Variants in ERBB4 observed in about 807,000 individuals in gnomAD.
ERBB4 encodes erb-b2 receptor tyrosine kinase 4, also known as receptor tyrosine-protein kinase erbB-4.
A neutral mutation model predicts 158.0 loss-of-function variants in ERBB4; 42 were observed. The observed-to-expected ratio is 0.27, with a 90% CI of 0.21 to 0.34. ERBB4 has a LOEUF of 0.34. Among genes scored for constraint, ERBB4 ranks in the 10% least tolerant of loss-of-function variants. The pLI is 1.00. For missense variants in ERBB4, 1,333 were observed against 1,624.1 expected (o/e 0.82, Z 3.08); for synonymous variants, 583 against 558.7 (o/e 1.04, Z -0.61).
At chr2:211,843,979 T>G (rs1180899550) in intron 3 of ERBB4, among the ~76,000 whole-genome samples, 1 of 151,896 alleles carries the variant, frequency 6.6e-6, no homozygotes, top group Non-Finnish European at 1.5e-5. Context: ...GCAAGAGAGG[T>G]TGAAGTGGAT....
At chr2:211,684,055 A>G (rs936850312) in intron 12 of ERBB4, among the ~76,000 whole-genome samples, 1 of 152,054 alleles carries the variant, frequency 6.6e-6, no homozygotes, top group Non-Finnish European at 1.5e-5. Context: ...TTTATTTGCT[A>G]TTTAGTGCTA....
chr2:211,695,394 G>A (rs1208211394), intron 12 of ERBB4, among the ~76,000 whole-genome samples: 1 of 151,948 alleles, frequency 6.6e-6, no homozygotes, highest in African/African-American at 2.4e-5. Flanking sequence ...GCTTCTTTGT[G>A]CCAAAAAAAT....
intron 1 of ERBB4, among the ~76,000 whole-genome samples, chr2:212,173,370 G>C (rs1470313258): frequency 6.6e-6 from 1 of 152,100 alleles, no homozygotes; most frequent in Non-Finnish European, 1.5e-5. Flanking sequence ...TGCAGCTAGG[G>C]AAGAGTACCC....
chr2:211,601,251 A>G (rs1477733529), intron 19 of ERBB4, among the ~76,000 whole-genome samples: 1 of 152,092 alleles, frequency 6.6e-6, no homozygotes, highest in African/African-American at 2.4e-5. Flanking sequence ...CAGAAAAAGA[A>G]AAAACATACA....
At chr2:212,173,070 T>G (rs2081567235) in intron 1 of ERBB4, among the ~76,000 whole-genome samples, 1 of 152,112 alleles carries the variant, frequency 6.6e-6, no homozygotes, top group Non-Finnish European at 1.5e-5. Flanking sequence ...TGGGTTCATT[T>G]TGAAAAGTTA....
chr2:211,983,774 C>T (rs1001256604), intron 2 of ERBB4, among the ~76,000 whole-genome samples: 1 of 152,080 alleles, frequency 6.6e-6, no homozygotes, highest in East Asian at 1.9e-4. Flanking sequence ...CATTGACTTT[C>T]AAGTATTTGA....
At chr2:211,556,565 G>A (rs980594092) in intron 20 of ERBB4, among the ~76,000 whole-genome samples, 1 of 151,334 alleles carries the variant, frequency 6.6e-6, no homozygotes, top group African/African-American at 2.4e-5. Context: ...ATACTTACAG[G>A]GTACAGAATA....
chr2:211,724,048 T>C (rs967255358), intron 6 of ERBB4, among the ~76,000 whole-genome samples: 2 of 152,242 alleles, frequency 1.3e-5, no homozygotes, highest in African/African-American at 4.8e-5. Context: ...GTTTTGGAAT[T>C]GTTAATGAAA....
intron 25 of ERBB4, among the ~76,000 whole-genome samples, chr2:211,393,614 CATTAT>C: frequency 6.6e-6 from 1 of 152,126 alleles, no homozygotes; most frequent in Non-Finnish European, 1.5e-5. Flanking sequence ...ATCTGAAACT[CATTAT>C]CTTAAGTATA....
chr2:211,525,881 G>A (rs1410708025), intron 20 of ERBB4, among the ~76,000 whole-genome samples: 2 of 152,074 alleles, frequency 1.3e-5, no homozygotes, highest in African/African-American at 4.8e-5. Flanking sequence ...GGAGGGAAGA[G>A]TAGGAAGGAC....
intron 17 of ERBB4, among the ~76,000 whole-genome samples, chr2:211,628,026 C>T (rs1300624479): frequency 2.0e-5 from 3 of 152,156 alleles, no homozygotes; most frequent in Non-Finnish European, 4.4e-5. Flanking sequence ...TAGTCTTTCA[C>T]TGCTGGTATA....
intron 20 of ERBB4, among the ~76,000 whole-genome samples, chr2:211,515,370 G>A (rs2065995160): frequency 6.6e-6 from 1 of 151,998 alleles, no homozygotes; most frequent in Non-Finnish European, 1.5e-5. Flanking sequence ...ATGGTTTAAA[G>A]GTGATAAGGA....
intron 2 of ERBB4, among the ~76,000 whole-genome samples, chr2:211,972,032 A>T (rs35639708): frequency 2.6e-5 from 4 of 152,190 alleles, no homozygotes; most frequent in Admixed American, 6.5e-5. Context: ...CTCAGCCCAA[A>T]GGCTTCTTAA....
intron 4 of ERBB4, chr2:211,779,742 C>T (rs561365694): frequency 2.0e-5 from 3 of 152,194 alleles, no homozygotes; most frequent in East Asian, 3.9e-4. Context: ...ACCGCACATT[C>T]GAAGAGCCAG....
chr2:212,259,738 C>T (rs1035737363), intron 1 of ERBB4, among the ~76,000 whole-genome samples: 3 of 152,028 alleles, frequency 2.0e-5, no homozygotes, highest in Non-Finnish European at 4.4e-5. Context: ...TTAAATGGTA[C>T]GATTTCTACC....
intron 2 of ERBB4, among the ~76,000 whole-genome samples, chr2:211,952,810 C>T (rs1174504304): frequency 1.3e-5 from 2 of 151,764 alleles, no homozygotes; most frequent in African/African-American, 2.4e-5. Context: ...TTAACAGATG[C>T]TAAGTATTAC....
chr2:211,756,021 T>G (rs1438685182), intron 4 of ERBB4, among the ~76,000 whole-genome samples: 1 of 152,196 alleles, frequency 6.6e-6, no homozygotes, highest in African/African-American at 2.4e-5. Context: ...GAATAATACC[T>G]TTTTTATGAC....
At chr2:211,566,079 C>T (rs971599920) in intron 19 of ERBB4, among the ~76,000 whole-genome samples, 3 of 152,166 alleles carry the variant, frequency 2.0e-5, no homozygotes, top group African/African-American at 2.4e-5. Context: ...TGAGGCGTCA[C>T]GCCTAGCAAG....
chr2:212,319,291 G>A lies in ERBB4; in HGVS notation c.83-194388C>T, dbSNP rs942812326. 2.2e-5 allele frequency among the ~76,000 whole-genome samples: 3 copies of A among 138,416 alleles called. 1 individual carries two copies. Among genetic ancestry groups the A allele is most frequent in the Non-Finnish European group, 5.1e-5 (3 of 58,812 alleles). The allele number at this position is 138,416 out of a possible 152,430, so 90.8% of individuals were successfully genotyped here. A position where few individuals can be genotyped will look rare whatever the true frequency, so the allele number is the denominator to read the frequency against. On this transcript the variant is annotated intron_variant, in intron 1 of 27. Transcript: ENST00000342788. The stretch of plus-strand genomic sequence containing the variant: ...GAACAAATACACCCACCTCCTTCCC[G>A]CAGGAGTCTAAGTTTTAAACGTCCT...
Sources: gnomAD v4.1 joint callset for allele counts (sites outside exome capture counted in the v4.1 genomes callset) on GRCh38, gnomAD v4.1.1 for gene constraint, MANE v1.5 for transcripts, NCBI Gene and HGNC (gene_info 2026-07-23, HGNC 2026-07-21) for gene names.